The following SLC2A13 variants were observed in gnomAD, a reference collection of about 807,000 sequenced individuals.
SLC2A13 encodes solute carrier family 2 member 13.
A neutral mutation model predicts 64.4 loss-of-function variants in SLC2A13; 32 were observed. The observed-to-expected ratio is 0.50, with a 90% CI of 0.37 to 0.67. The LOEUF (loss-of-function observed/expected upper bound fraction) is 0.67. Among genes scored for constraint, SLC2A13 ranks in the 30% least tolerant of loss-of-function variants. The pLI, the probability that SLC2A13 is intolerant of heterozygous loss-of-function variation, is 0.00. For missense variants in SLC2A13, 743 were observed against 829.2 expected (o/e 0.90, Z 1.28); for synonymous variants, 338 against 327.1 (o/e 1.03, Z -0.36).
At chr12:39,979,499 C>G (rs1033070883) in intron 3 of SLC2A13, among the ~76,000 whole-genome samples, 1 of 149,130 alleles carries the variant, frequency 6.7e-6, no homozygotes, top group African/African-American at 2.5e-5. Flanking sequence ...GAGCTGAAAG[C>G]CAAGGCTCGA....
At chr12:40,024,001 T>C (rs541242541) in intron 3 of SLC2A13, among the ~76,000 whole-genome samples, 1 of 152,356 alleles carries the variant, frequency 6.6e-6, no homozygotes, top group Non-Finnish European at 1.5e-5. Context: ...CTTCCTGTTA[T>C]AATAACCAGG....
At chr12:40,014,382 ACT>A (rs147693793) in intron 3 of SLC2A13, among the ~76,000 whole-genome samples, 7,046 of 152,312 alleles carry the variant, frequency 0.046, 216 homozygotes, top group Non-Finnish European at 0.063. Context: ...AGATTGGTAC[ACT>A]GAGACCCCAA....
chr12:39,854,605 C>A (rs1943556604), intron 6 of SLC2A13, among the ~76,000 whole-genome samples: 1 of 152,194 alleles, frequency 6.6e-6, no homozygotes, highest in Non-Finnish European at 1.5e-5. Flanking sequence ...CCAGACTCTT[C>A]TCCCTCCAAT....
At chr12:39,962,272 G>A (rs567041702) in intron 3 of SLC2A13, among the ~76,000 whole-genome samples, 11 of 152,238 alleles carry the variant, frequency 7.2e-5, no homozygotes, top group Middle Eastern at 3.4e-3. Context: ...TGTATTTTTA[G>A]TAGAGACAGG....
At chr12:40,060,078 CGGAT>C (rs1458585869) in intron 1 of SLC2A13, among the ~76,000 whole-genome samples, 4 of 151,392 alleles carry the variant, frequency 2.6e-5, no homozygotes, top group African/African-American at 4.9e-5. Flanking sequence ...TATTAATGGA[CGGAT>C]GGATGGATGG....
chr12:39,952,926 C>T (rs1185905689), intron 3 of SLC2A13, among the ~76,000 whole-genome samples: 2 of 152,098 alleles, frequency 1.3e-5, no homozygotes, highest in Admixed American at 6.6e-5. Flanking sequence ...ATAAGCAAGG[C>T]ACTACCTTTC....
chr12:39,909,500 G>A (rs1265638620), intron 4 of SLC2A13, among the ~76,000 whole-genome samples: 1 of 152,038 alleles, frequency 6.6e-6, no homozygotes, highest in Non-Finnish European at 1.5e-5. Flanking sequence ...TATTGCCATA[G>A]TATTTCAGAA....
At chr12:40,026,349 A>C (rs1040635075) in intron 3 of SLC2A13, among the ~76,000 whole-genome samples, 3 of 152,226 alleles carry the variant, frequency 2.0e-5, no homozygotes, top group Non-Finnish European at 4.4e-5. Context: ...AAAACTGGGG[A>C]ATAGGGAATT....
intron 3 of SLC2A13, among the ~76,000 whole-genome samples, chr12:39,988,608 TAGG>T (rs1465068100): frequency 7.8e-6 from 1 of 128,318 alleles, no homozygotes; most frequent in Non-Finnish European, 1.6e-5. Context: ...AGAAGAAGAC[TAGG>T]AGGAGGAGGG....
Position 39,879,712 on chromosome 12 carries a change from G to A in SLC2A13, c.1035-7751C>T, listed in dbSNP as rs141936657. Among the ~76,000 whole-genome samples the A allele has an allele frequency of 2.0e-4, 30 of 152,294 alleles. No homozygotes were observed. In the East Asian group the frequency reaches 5.6e-3, roughly 28 times the overall value. On this transcript the variant is annotated intron_variant, in intron 4 of 9. Coordinates refer to ENST00000280871, the MANE Select transcript of SLC2A13 (RefSeq NM_052885.4). The stretch of plus-strand genomic sequence containing the variant: ...TGATTTTTATTTTACAGGCTCAAAA[G>A]TGGAAGGGATTTTCCTTGTCTCAGA...
chr12:40,090,474 A>G (rs989372685), intron 1 of SLC2A13, among the ~76,000 whole-genome samples: 1 of 152,234 alleles, frequency 6.6e-6, no homozygotes, highest in Non-Finnish European at 1.5e-5. Flanking sequence ...TAGATTAAGT[A>G]GCCAGATGTT....
At chr12:40,077,675 C>G (rs1376997289) in intron 1 of SLC2A13, among the ~76,000 whole-genome samples, 3 of 152,056 alleles carry the variant, frequency 2.0e-5, no homozygotes, top group African/African-American at 7.2e-5. Context: ...ATAGTTTTTT[C>G]TAATTCTGTG....
At position 39,961,077 on chromosome 12, in the gene SLC2A13, C is replaced by CTT. The variant is rs1014189208; in HGVS notation, c.926-9714_926-9713dup. 6.0e-5 allele frequency among the ~76,000 whole-genome samples: 8 copies of CTT among 133,804 alleles called. No homozygotes were observed. The South Asian group carries it at 7.3e-4, about 12-fold the overall frequency. The allele number at this position is 133,804 out of a possible 152,430, so 87.8% of individuals were successfully genotyped here. On this transcript the variant is annotated intron_variant, in intron 3 of 9. Coordinates refer to ENST00000280871, the MANE Select transcript of SLC2A13 (RefSeq NM_052885.4). ...ATGATTTTAAAGAGAATGTTTTTTTCTTTTTTTTTTTTTTACTTTGAGACG... is the reference window on the plus strand; with the variant it reads ...ATGATTTTAAAGAGAATGTTTTTTTCTTTTTTTTTTTTTTTTACTTTGAGACG...
chr12:40,040,779 CTATTTT>C (rs1225839149), intron 2 of SLC2A13, among the ~76,000 whole-genome samples: 2 of 152,154 alleles, frequency 1.3e-5, no homozygotes, highest in East Asian at 3.8e-4. Flanking sequence ...CTGCATACTT[CTATTTT>C]TAAGATAGTG....
intron 7 of SLC2A13, among the ~76,000 whole-genome samples, chr12:39,800,213 T>C (rs1185319447): frequency 2.6e-5 from 4 of 152,178 alleles, no homozygotes; most frequent in Non-Finnish European, 4.4e-5. Context: ...GTGCTTTGAA[T>C]GAAAACAGTA....
intron 3 of SLC2A13, among the ~76,000 whole-genome samples, chr12:40,026,438 T>C (rs1284722531): frequency 6.6e-6 from 1 of 152,198 alleles, no homozygotes; most frequent in Non-Finnish European, 1.5e-5. Flanking sequence ...ATGTTGATAA[T>C]TGCAACCCTA....
intron 4 of SLC2A13, among the ~76,000 whole-genome samples, chr12:39,882,254 G>A (rs1486778469): frequency 6.6e-6 from 1 of 152,038 alleles, no homozygotes; most frequent in Non-Finnish European, 1.5e-5. Flanking sequence ...AAGACTATTA[G>A]GCCCTGTCCC....
Position 39,756,518 on chromosome 12 carries a change from A to G in SLC2A13, c.*3508T>C, listed in dbSNP as rs1460008241. On this transcript the variant is annotated 3_prime_UTR_variant, in exon 10 of 10. Transcript: ENST00000280871. ...GAAATAAAACCAAAATAACATTCCA[A>G]CTCTCTCCACTGTATTACAGTATTT... 1.3e-5 allele frequency: 2 copies of G among 151,638 alleles called. No individual in the cohort carries two copies. The highest frequency in any genetic ancestry group is 2.1e-4 in the South Asian group (1 of 4,806). 9.4% of individuals were successfully genotyped at this position (151,638 alleles called of 1,614,324 possible).
chr12:39,977,965 G>C lies in SLC2A13; in HGVS notation c.926-26600C>G, dbSNP rs553375903. On this transcript the variant is annotated intron_variant, in intron 3 of 9. Coordinates refer to ENST00000280871, the MANE Select transcript of SLC2A13 (RefSeq NM_052885.4). Reference sequence around the variant, plus strand: ...TTATCTTTATGATAATTTTTCTTCAGAGGCCTGTGTATTTCACGTGTGTGT... The same window carrying C: ...TTATCTTTATGATAATTTTTCTTCACAGGCCTGTGTATTTCACGTGTGTGT... Among the ~76,000 whole-genome samples, 32 of 152,204 alleles carry C rather than the reference G, an allele frequency of 2.1e-4. 2 individuals are homozygous for C. The highest frequency in any genetic ancestry group is 7.2e-4 in the African/African-American group (30 of 41,520).
Sources: allele counts gnomAD v4.1 joint callset (sites outside exome capture counted in the v4.1 genomes callset), GRCh38; gene constraint gnomAD v4.1.1; transcripts MANE v1.5; gene names NCBI Gene and HGNC (gene_info 2026-07-23, HGNC 2026-07-21).